The following CYP2J2 variants were observed in gnomAD, a reference collection of about 807,000 sequenced individuals.
CYP2J2 encodes cytochrome P450 2J2.
Under a neutral mutation model 48.8 loss-of-function variants are expected in CYP2J2, and 41 were observed. The ratio of observed to expected loss-of-function variants is 0.84; its 90% confidence interval spans 0.66 to 1.09. The LOEUF (loss-of-function observed/expected upper bound fraction) is 1.09. Among genes scored for constraint, CYP2J2 ranks in the 50% least tolerant of loss-of-function variants. CYP2J2 has a pLI of 0.00. For synonymous variants in CYP2J2, 221 were observed against 227.1 expected, an observed-to-expected ratio of 0.97 and a Z score of 0.24; for missense variants, 644 against 617.3, an observed-to-expected ratio of 1.04 and a Z score of -0.46.
At position 59,916,112 on chromosome 1, in the gene CYP2J2, T is replaced by A. The variant is rs774214225; in HGVS notation, c.211-12A>T. 6.2e-7 allele frequency: 1 copy of A among 1,604,634 alleles called. No individual in the cohort carries two copies. The highest frequency in any genetic ancestry group is 8.5e-7 in the Non-Finnish European group (1 of 1,175,206). On this transcript the variant is annotated splice_polypyrimidine_tract_variant and intron_variant, in intron 1 of 8. Coordinates refer to ENST00000371204, the MANE Select transcript of CYP2J2 (RefSeq NM_000775.4). ...TATTTCTTCACAAACTGAAAAATAGTTAAATCGTAACAGTTGAATATGCAC... is the reference window on the plus strand; with the variant it reads ...TATTTCTTCACAAACTGAAAAATAGATAAATCGTAACAGTTGAATATGCAC...
rs1326657349 is a variant in CYP2J2, at chr1:59,912,239, C to G, written c.446G>C (p.Gly149Ala). ...TTCCTCTAAGCTCTTCTTTCCTAAACCAAAGTTCCTTAGTGCTGTCAGAGT... is the reference window on the plus strand; with the variant it reads ...TTCCTCTAAGCTCTTCTTTCCTAAAGCAAAGTTCCTTAGTGCTGTCAGAGT... ...RFTLTALRNF[G>A]LGKKSLEERI... Residue 149 changes from glycine (G) to alanine (A), a missense_variant, in exon 3 of 9, where the codon GGT becomes GCT. Physicochemically the swap from Gly to Ala is moderately conservative, Grantham distance 60. Transcript: ENST00000371204. 1.9e-6 allele frequency: 3 copies of G among 1,613,776 alleles called. No individual in the cohort carries two copies. The highest frequency in any genetic ancestry group is 2.5e-6 in the Non-Finnish European group (3 of 1,179,856).
chr1:59,926,667 G>A lies in CYP2J2; in HGVS notation c.80C>T (p.Ala27Val), dbSNP rs1644568260. Residue 27 changes from alanine to valine, a missense_variant, in exon 1 of 9, where the codon GCC becomes GTC. Physicochemically the swap from Ala to Val is moderately conservative, Grantham distance 64 (BLOSUM62 0). Coordinates refer to ENST00000371204, the MANE Select transcript of CYP2J2 (RefSeq NM_000775.4). ...GAGAAAGTCAGCAGCGAGCAGAAAGGCGACAGTGCCCAGTAGGAGAGTCCG... is the reference window on the plus strand; with the variant it reads ...GAGAAAGTCAGCAGCGAGCAGAAAGACGACAGTGCCCAGTAGGAGAGTCCG... Reference protein sequence around the residue: ...HPRTLLLGTVAFLLAADFLKR... With the variant: ...HPRTLLLGTVVFLLAADFLKR... 4 of 1,614,200 alleles carry A rather than the reference G, an allele frequency of 2.5e-6. No homozygotes were observed. In the African/African-American group the frequency reaches 4.0e-5, roughly 16 times the overall value.
chr1:59,933,557 T>C, the CYP2J2 span, among the ~76,000 whole-genome samples: 1 of 152,204 alleles, frequency 6.6e-6, no homozygotes, highest in East Asian at 1.9e-4. Flanking sequence ...ATTTGCTTAT[T>C]AGTTCTAACA....
intron 2 of CYP2J2, chr1:59,913,153 C>T (rs544574987): frequency 1.3e-5 from 2 of 152,278 alleles, no homozygotes; most frequent in African/African-American, 4.8e-5. Flanking sequence ...TCCAGTGGTG[C>T]TCAGGATACC....
At chr1:59,966,587 GAACA>G in the CYP2J2 span, among the ~76,000 whole-genome samples, 1 of 152,148 alleles carries the variant, frequency 6.6e-6, no homozygotes, top group Admixed American at 6.5e-5. Flanking sequence ...AATGTGCTAT[GAACA>G]AACATGTAAC....
chr1:59,915,919 C>T lies in CYP2J2; in HGVS notation c.373+19G>A, dbSNP rs778628591. 48 of 1,608,298 alleles carry T rather than the reference C, an allele frequency of 3.0e-5. No homozygotes were observed. The highest frequency in any genetic ancestry group is 1.4e-4 in the South Asian group (13 of 89,910). On this transcript the variant is annotated intron_variant, in intron 2 of 8. Transcript: ENST00000371204. The stretch of plus-strand genomic sequence containing the variant: ...CTATCAACATCAAACACTCACCTTT[C>T]GTTGGCCAAGAAACTTACCATTTTT...
chr1:59,912,593 C>G lies in CYP2J2; in HGVS notation c.374-282G>C, dbSNP rs545534496. On this transcript the variant is annotated intron_variant, in intron 2 of 8. Coordinates refer to ENST00000371204, the MANE Select transcript of CYP2J2 (RefSeq NM_000775.4). Reference sequence around the variant, plus strand: ...AATTATTACCACCCCACACATTTTACTAATGAAAAAACTGAGGAACAAGGG... The same window carrying G: ...AATTATTACCACCCCACACATTTTAGTAATGAAAAAACTGAGGAACAAGGG... 2.5e-5 allele frequency: 7 copies of G among 283,458 alleles called. No homozygotes were observed. In the South Asian group the frequency reaches 5.8e-4, roughly 23 times the overall value. 17.6% of individuals were successfully genotyped at this position (283,458 alleles called of 1,614,324 possible). A position where few individuals can be genotyped will look rare whatever the true frequency, so the allele number is the denominator to read the frequency against.
At chr1:59,914,087 A>G (rs1477044488) in intron 2 of CYP2J2, among the ~76,000 whole-genome samples, 5 of 152,118 alleles carry the variant, frequency 3.3e-5, no homozygotes, top group Admixed American at 6.5e-5. Context: ...ATGAATATTT[A>G]TTTACTTTTT....
the CYP2J2 span, among the ~76,000 whole-genome samples, chr1:59,964,386 C>CT: frequency 7.9e-5 from 12 of 152,172 alleles, no homozygotes; most frequent in Non-Finnish European, 1.5e-4. Context: ...TACTTACGTA[C>CT]TCCAGGAATG....
In CYP2J2 at chr1:59,911,603, C is replaced by T. The variant is rs932167660; in HGVS notation, c.684+5G>A. On this transcript the variant is annotated splice_donor_5th_base_variant and intron_variant, in intron 4 of 8. Coordinates refer to ENST00000371204, the MANE Select transcript of CYP2J2 (RefSeq NM_000775.4). Reference sequence around the variant, plus strand: ...AACAAAGATATGGAGAGACAGCTGCCTTACCTGGCATGTCTTTGAAGCCTC... The same window carrying T: ...AACAAAGATATGGAGAGACAGCTGCTTTACCTGGCATGTCTTTGAAGCCTC... The T allele has an allele frequency of 3.8e-6, 6 of 1,598,136 alleles. No homozygotes were observed. Among genetic ancestry groups the T allele is most frequent in the Non-Finnish European group, 5.1e-6 (6 of 1,171,284 alleles).
At chr1:59,932,354 T>C in the CYP2J2 span, among the ~76,000 whole-genome samples, 8 of 152,258 alleles carry the variant, frequency 5.3e-5, no homozygotes, top group Non-Finnish European at 1.0e-4. Flanking sequence ...CTATAAGATA[T>C]AAAATAATAT....
At chr1:59,928,286 T>C (rs1644585486), upstream of CYP2J2, among the ~76,000 whole-genome samples, 1 of 152,176 alleles carries the variant, frequency 6.6e-6, no homozygotes, top group South Asian at 2.1e-4. Flanking sequence ...AAAATTGTGA[T>C]TGCTAAAAAT....
At chr1:59,956,371 T>A in the CYP2J2 span, among the ~76,000 whole-genome samples, 1 of 152,154 alleles carries the variant, frequency 6.6e-6, no homozygotes, top group Non-Finnish European at 1.5e-5. Context: ...AATTATAGTG[T>A]GCTCCTGAGT....
the CYP2J2 span, among the ~76,000 whole-genome samples, chr1:59,940,384 A>G: frequency 2.6e-5 from 4 of 152,186 alleles, no homozygotes; most frequent in Admixed American, 6.5e-5. Context: ...AAGTCCTGGA[A>G]AGGCGGTCTC....
intron 1 of CYP2J2, among the ~76,000 whole-genome samples, chr1:59,923,156 T>A (rs11572208): frequency 0.11 from 17,332 of 152,264 alleles, 1,205 homozygotes; most frequent in Admixed American, 0.17. Flanking sequence ...GCCAGAGGGA[T>A]CCCTGTCTTC....
intron 7 of CYP2J2, chr1:59,904,644 C>T: frequency 2.1e-6 from 1 of 484,686 alleles, no homozygotes; most frequent in East Asian, 3.9e-5. Flanking sequence ...GAAAGAAAAG[C>T]CAGTCTTTAT....
At chr1:59,929,166 G>A (rs374522518), upstream of CYP2J2, among the ~76,000 whole-genome samples, 1 of 152,194 alleles carries the variant, frequency 6.6e-6, no homozygotes, top group South Asian at 2.1e-4. Context: ...GTACACCCAA[G>A]TCCATGCCCT....
chr1:59,955,099 C>T, the CYP2J2 span, among the ~76,000 whole-genome samples: 4 of 151,364 alleles, frequency 2.6e-5, no homozygotes, highest in Non-Finnish European at 1.5e-5. Context: ...GATTATGCCA[C>T]TGCATTTCAG....
Position 59,905,034 on chromosome 1 carries a change from C to T in CYP2J2, c.1028G>A (p.Arg343Lys), listed in dbSNP as rs1644354286. 1 of 1,613,680 alleles carries T rather than the reference C, an allele frequency of 6.2e-7. No individual in the cohort carries two copies. The highest frequency in any genetic ancestry group is 1.7e-5 in the Admixed American group (1 of 59,932). Residue 343 changes from arginine to lysine, a missense_variant, in exon 7 of 9, where the codon AGA becomes AAA. Transcript: ENST00000371204. Reference sequence around the variant, plus strand: ...CGGCTGCTGCCCCTGGCCAATCACTCTGTCAATCTCAGCTTGTACTTTTTC... The same window carrying T: ...CGGCTGCTGCCCCTGGCCAATCACTTTGTCAATCTCAGCTTGTACTTTTTC... ...IQEKVQAEID[R>K]VIGQGQQPST...
Sources: gnomAD v4.1 joint callset for allele counts (sites outside exome capture counted in the v4.1 genomes callset) on GRCh38, gnomAD v4.1.1 for gene constraint, MANE v1.5 for transcripts, NCBI Gene and HGNC (gene_info 2026-07-23, HGNC 2026-07-21) for gene names.